ARHGAP24: variants seen among roughly 807,000 people sequenced by gnomAD.
ARHGAP24 encodes the protein rho GTPase-activating protein 24.
A neutral mutation model predicts 76.4 loss-of-function variants in ARHGAP24; 50 were observed. That is an observed-to-expected ratio of 0.65 (90% CI 0.52 to 0.83). The LOEUF (loss-of-function observed/expected upper bound fraction) is 0.83, where lower values mean the gene tolerates loss of function less well. ARHGAP24 is among the 40% of genes least tolerant of loss of function. The pLI, the probability that ARHGAP24 is intolerant of heterozygous loss-of-function variation, is 0.00. For missense variants in ARHGAP24, 930 were observed against 914.2 expected (o/e 1.02, Z -0.22); for synonymous variants, 345 against 323.3 (o/e 1.07, Z -0.72).
chr4:85,991,642 A>G (rs1740329759), intron 8 of ARHGAP24: 1 of 152,324 alleles, frequency 6.6e-6, no homozygotes, highest in Non-Finnish European at 1.5e-5. Flanking sequence ...AATTGTAAAA[A>G]AAGGCAAAAC....
rs1198185274 is a variant in ARHGAP24, at chr4:85,874,918, A to ATT, written c.269-48728_269-48727dup. 6.9e-5 allele frequency among the ~76,000 whole-genome samples: 6 copies of ATT among 87,430 alleles called. 2 individuals are homozygous for ATT. The highest frequency in any genetic ancestry group is 2.9e-4 in the African/African-American group (6 of 20,452). 57.4% of individuals were successfully genotyped at this position (87,430 alleles called of 152,430 possible). ...TTTTATATAATTTATATATAAATAT[A>ATT]TTTATATATAATTTATATATAATAT... On this transcript the variant is annotated intron_variant, in intron 3 of 9. Transcript: ENST00000395184.
chr4:85,486,177 T>A (rs1309178197), intron 1 of ARHGAP24, among the ~76,000 whole-genome samples: 1 of 152,192 alleles, frequency 6.6e-6, no homozygotes, highest in Non-Finnish European at 1.5e-5. Flanking sequence ...GTGTGACCAT[T>A]CCTTGACAGA....
At chr4:85,646,411 A>G (rs1448656051) in intron 2 of ARHGAP24, among the ~76,000 whole-genome samples, 2 of 152,034 alleles carry the variant, frequency 1.3e-5, no homozygotes, top group African/African-American at 2.4e-5. Flanking sequence ...GAAACAATTA[A>G]TTAAATGACT....
At chr4:85,852,545 T>C (rs1406994437) in intron 3 of ARHGAP24, among the ~76,000 whole-genome samples, 1 of 152,250 alleles carries the variant, frequency 6.6e-6, no homozygotes, top group Admixed American at 6.5e-5. Flanking sequence ...GTTTTTAGAA[T>C]TTTCAGCTTT....
intron 3 of ARHGAP24, among the ~76,000 whole-genome samples, chr4:85,770,978 GA>G (rs1383981493): frequency 6.6e-6 from 1 of 152,180 alleles, no homozygotes; most frequent in African/African-American, 2.4e-5. Context: ...ACACAATGAA[GA>G]AATAAAGCCT....
intron 2 of ARHGAP24, among the ~76,000 whole-genome samples, chr4:85,651,144 G>A (rs1238349788): frequency 6.7e-6 from 1 of 149,196 alleles, no homozygotes; most frequent in Admixed American, 6.6e-5. Context: ...TAAACAGGAC[G>A]GGGGAGAGGC....
chr4:85,759,572 A>G (rs1726657178), intron 3 of ARHGAP24, among the ~76,000 whole-genome samples: 1 of 152,172 alleles, frequency 6.6e-6, no homozygotes, highest in Non-Finnish European at 1.5e-5. Context: ...TTTGGCAGGT[A>G]TCCACACCGA....
At chr4:85,882,568 G>A (rs1733320489) in intron 3 of ARHGAP24, among the ~76,000 whole-genome samples, 1 of 152,088 alleles carries the variant, frequency 6.6e-6, no homozygotes, top group Admixed American at 6.5e-5. Flanking sequence ...TGAGGAGCAT[G>A]GGCACAATAA....
intron 5 of ARHGAP24, among the ~76,000 whole-genome samples, chr4:85,955,116 C>G (rs930634130): frequency 3.3e-5 from 5 of 152,334 alleles, no homozygotes; most frequent in South Asian, 2.1e-4. Context: ...AGAAGGGCTG[C>G]TCTCGGCCCA....
At chr4:85,815,514 G>A (rs190028971) in intron 3 of ARHGAP24, among the ~76,000 whole-genome samples, 27 of 152,330 alleles carry the variant, frequency 1.8e-4, no homozygotes, top group Non-Finnish European at 3.2e-4. Context: ...AATGACACCA[G>A]TCTCTTTGCT....
chr4:85,546,646 C>T (rs140582713), intron 1 of ARHGAP24, among the ~76,000 whole-genome samples: 6 of 152,314 alleles, frequency 3.9e-5, no homozygotes, highest in Middle Eastern at 3.4e-3. Flanking sequence ...ATTCCAAAGA[C>T]ATGTTTACCA....
chr4:85,655,015 C>T (rs1355784675), intron 2 of ARHGAP24, among the ~76,000 whole-genome samples: 1 of 152,106 alleles, frequency 6.6e-6, no homozygotes. Flanking sequence ...CTTTTCCTCC[C>T]TTATATTGGC....
chr4:85,934,593 C>T (rs1449538676), intron 4 of ARHGAP24, among the ~76,000 whole-genome samples: 1 of 152,176 alleles, frequency 6.6e-6, no homozygotes, highest in Non-Finnish European at 1.5e-5. Context: ...TGGTTCACTG[C>T]AACCTCCGCC....
chr4:85,984,299 G>T (rs1354921239), intron 8 of ARHGAP24, among the ~76,000 whole-genome samples: 1 of 152,162 alleles, frequency 6.6e-6, no homozygotes, highest in Non-Finnish European at 1.5e-5. Context: ...AGACTGGGTA[G>T]CTTATAAAGA....
intron 2 of ARHGAP24, among the ~76,000 whole-genome samples, chr4:85,669,667 ATATATATATATATATATATATATATG>A (rs1377460431): frequency 3.1e-5 from 2 of 63,624 alleles, no homozygotes; most frequent in Non-Finnish European, 6.5e-5. Context: ...ATATATATAT[ATATATATATATATATATATATATATG>A]TGATATATAT....
At chr4:85,733,945 T>C (rs1725509987) in intron 3 of ARHGAP24, among the ~76,000 whole-genome samples, 1 of 152,218 alleles carries the variant, frequency 6.6e-6, no homozygotes, top group African/African-American at 2.4e-5. Context: ...AAAAAGGAAA[T>C]GAGACTTAAC....
At chr4:85,572,970 G>T (rs1727200215) in intron 2 of ARHGAP24, among the ~76,000 whole-genome samples, 1 of 146,994 alleles carries the variant, frequency 6.8e-6, no homozygotes, top group Non-Finnish European at 1.5e-5. Context: ...TCTGCCTCCT[G>T]GGTTCAAGCG....
intron 1 of ARHGAP24, among the ~76,000 whole-genome samples, chr4:85,495,728 T>C (rs1439215004): frequency 6.6e-6 from 1 of 152,124 alleles, no homozygotes; most frequent in African/African-American, 2.4e-5. Context: ...TGTCTATTTT[T>C]AACAGTGTAT....
Position 85,721,885 on chromosome 4 carries a change from G to A in ARHGAP24, c.181G>A (p.Gly61Ser). Reference sequence around the variant, plus strand: ...ATGTTTTGGGTATTTGTTTTCACAGGGTACTATTTTTCTGCCTGGAAATAA... The same window carrying A: ...ATGTTTTGGGTATTTGTTTTCACAGAGTACTATTTTTCTGCCTGGAAATAA... The part of the protein sequence containing the change: ...FKDEDETKPL[G>S]TIFLPGNKVS... The change falls in exon 3 of 10, where the codon GGT (glycine) becomes AGT (serine). Residue 61 changes from glycine to serine, a missense_variant and splice_region_variant. By Grantham distance (56) the Gly-to-Ser change is moderately conservative. Coordinates refer to ENST00000395184, the MANE Select transcript of ARHGAP24 (RefSeq NM_001025616.3). The A allele has an allele frequency of 6.2e-7, 1 of 1,612,812 alleles. No homozygotes were observed. Among genetic ancestry groups the A allele is most frequent in the Non-Finnish European group, 8.5e-7 (1 of 1,179,168 alleles).
Sources: gnomAD v4.1 joint callset for allele counts (sites outside exome capture counted in the v4.1 genomes callset) on GRCh38, gnomAD v4.1.1 for gene constraint, MANE v1.5 for transcripts, NCBI Gene and HGNC (gene_info 2026-07-23, HGNC 2026-07-21) for gene names.